Variants in RAB3C observed in about 807,000 individuals in gnomAD.
RAB3C encodes the protein ras-related protein Rab-3C.
A neutral mutation model predicts 26.4 loss-of-function variants in RAB3C; 17 were observed. The ratio of observed to expected loss-of-function variants is 0.64; its 90% CI spans 0.44 to 0.97. The LOEUF (loss-of-function observed/expected upper bound fraction) is 0.97. Among genes scored for constraint, RAB3C ranks in the 50% least tolerant of loss-of-function variants. The probability of loss-of-function intolerance (pLI) is 0.00; values close to 1 mark genes in which losing one functional copy is unlikely to be tolerated. For synonymous variants in RAB3C, 91 were observed against 95.9 expected, an observed-to-expected ratio of 0.95 and a Z score of 0.30; for missense variants, 242 against 281.9, an observed-to-expected ratio of 0.86 and a Z score of 1.01.
chr5:58,756,402 A>G (rs1741663648), intron 3 of RAB3C, among the ~76,000 whole-genome samples: 1 of 144,208 alleles, frequency 6.9e-6, no homozygotes, highest in South Asian at 2.1e-4. Context: ...ATATATATAT[A>G]TATGTATGTT....
intron 3 of RAB3C, chr5:58,814,875 T>G (rs185529365): frequency 6.6e-6 from 1 of 152,346 alleles, no homozygotes; most frequent in East Asian, 1.9e-4. Context: ...GGTCTAAGTT[T>G]AGATTTAGAC....
intron 1 of RAB3C, among the ~76,000 whole-genome samples, chr5:58,616,910 A>G (rs1049762702): frequency 1.3e-5 from 2 of 152,160 alleles, no homozygotes; most frequent in Non-Finnish European, 2.9e-5. Context: ...GAGCCCTGGC[A>G]CCACACTGCT....
chr5:58,702,813 A>G (rs759218160), intron 2 of RAB3C, among the ~76,000 whole-genome samples: 2 of 152,220 alleles, frequency 1.3e-5, no homozygotes, highest in African/African-American at 4.8e-5. Flanking sequence ...CCCTCCAGAG[A>G]GAACTAATAA....
intron 2 of RAB3C, among the ~76,000 whole-genome samples, chr5:58,622,043 A>G (rs981378114): frequency 2.6e-5 from 4 of 152,166 alleles, no homozygotes; most frequent in African/African-American, 9.7e-5. Flanking sequence ...AAGCATTTTA[A>G]CAAGTAATAG....
At chr5:58,669,748 C>T (rs1026937653) in intron 2 of RAB3C, among the ~76,000 whole-genome samples, 4 of 152,150 alleles carry the variant, frequency 2.6e-5, no homozygotes, top group Non-Finnish European at 4.4e-5. Context: ...ATGAATGACT[C>T]ATGTAAGTGT....
intron 2 of RAB3C, among the ~76,000 whole-genome samples, chr5:58,707,943 T>C (rs1210779452): frequency 6.6e-6 from 1 of 151,876 alleles, no homozygotes; most frequent in Non-Finnish European, 1.5e-5. Flanking sequence ...TACAGCAGCT[T>C]GCAACCATCT....
chr5:58,739,330 G>A (rs954999571), intron 3 of RAB3C, among the ~76,000 whole-genome samples: 1 of 152,058 alleles, frequency 6.6e-6, no homozygotes, highest in Non-Finnish European at 1.5e-5. Context: ...AAATTGATAC[G>A]ACCCCAGTCT....
At chr5:58,784,544 A>T (rs1437269799) in intron 3 of RAB3C, among the ~76,000 whole-genome samples, 1 of 152,086 alleles carries the variant, frequency 6.6e-6, no homozygotes, top group Non-Finnish European at 1.5e-5. Context: ...AAGCCATATC[A>T]CTCGGTTTAC....
intron 2 of RAB3C, among the ~76,000 whole-genome samples, chr5:58,632,335 A>G (rs140550359): frequency 8.5e-4 from 130 of 152,340 alleles, no homozygotes; most frequent in African/African-American, 2.9e-3. Context: ...CCTTGTCGGA[A>G]TCACTTGGGG....
intron 2 of RAB3C, among the ~76,000 whole-genome samples, chr5:58,688,865 A>G (rs1460113033): frequency 3.3e-5 from 5 of 152,126 alleles, no homozygotes. Context: ...GAAGTCAAAC[A>G]TGTATTTGAT....
chr5:58,691,330 A>G (rs1213551908), intron 2 of RAB3C, among the ~76,000 whole-genome samples: 1 of 152,178 alleles, frequency 6.6e-6, no homozygotes, highest in Non-Finnish European at 1.5e-5. Flanking sequence ...CAAATGGAGA[A>G]GAGATTAACA....
intron 2 of RAB3C, among the ~76,000 whole-genome samples, chr5:58,705,040 C>T (rs193030089): frequency 5.9e-5 from 9 of 152,168 alleles, no homozygotes; most frequent in Admixed American, 5.2e-4. Flanking sequence ...CTGAAGCAAA[C>T]AGGATAATAA....
At chr5:58,796,713 G>A (rs1392659853) in intron 3 of RAB3C, among the ~76,000 whole-genome samples, 1 of 152,144 alleles carries the variant, frequency 6.6e-6, no homozygotes, top group Admixed American at 6.5e-5. Flanking sequence ...AGCTGTGGAG[G>A]AGAAGCCTGT....
chr5:58,804,718 G>A (rs956770360), intron 3 of RAB3C, among the ~76,000 whole-genome samples: 2 of 151,610 alleles, frequency 1.3e-5, no homozygotes, highest in African/African-American at 4.9e-5. Flanking sequence ...TAAAATAACA[G>A]CAGCTTCTCT....
At chr5:58,843,896 C>A (rs577722407) in intron 4 of RAB3C, among the ~76,000 whole-genome samples, 1 of 152,274 alleles carries the variant, frequency 6.6e-6, no homozygotes, top group South Asian at 2.1e-4. Flanking sequence ...CTACTTCTCC[C>A]AGCCAATTAA....
intron 2 of RAB3C, among the ~76,000 whole-genome samples, chr5:58,661,308 T>C (rs548257700): frequency 1.3e-5 from 2 of 150,222 alleles, no homozygotes; most frequent in Admixed American, 1.3e-4. Flanking sequence ...TCACTTGAAA[T>C]CATGTGCCGA....
intron 2 of RAB3C, 21 bp from the exon 3 acceptor site, chr5:58,725,981 C>A: frequency 1.5e-6 from 2 of 1,346,106 alleles, no homozygotes; most frequent in Non-Finnish European, 2.1e-6. Flanking sequence ...GAGAGATTAT[C>A]ATTTTTTTTT....
At chr5:58,715,756 G>C (rs1003831564) in intron 2 of RAB3C, among the ~76,000 whole-genome samples, 1 of 152,062 alleles carries the variant, frequency 6.6e-6, no homozygotes, top group Admixed American at 6.6e-5. Flanking sequence ...AAGACGATGA[G>C]AGAGAATGAA....
chr5:58,811,972 A>G (rs1032886229), intron 3 of RAB3C, among the ~76,000 whole-genome samples: 1 of 152,242 alleles, frequency 6.6e-6, no homozygotes, highest in South Asian at 2.1e-4. Flanking sequence ...TGGAGGCTCA[A>G]GCTCACTTAT....
Sources: allele counts gnomAD v4.1 joint callset (sites outside exome capture counted in the v4.1 genomes callset), GRCh38; gene constraint gnomAD v4.1.1; transcripts MANE v1.5; gene names NCBI Gene and HGNC (gene_info 2026-07-23, HGNC 2026-07-21).